Variants in PEPD observed in about 807,000 individuals in gnomAD.
PEPD encodes peptidase D.
In PEPD, 53 loss-of-function variants were observed where a neutral mutation model predicts 60.7. The observed-to-expected ratio is 0.87, with a 90% CI of 0.70 to 1.10. PEPD has a LOEUF of 1.10. PEPD is among the 50% of genes least tolerant of loss of function. The pLI, the probability that PEPD is intolerant of heterozygous loss-of-function variation, is 0.00. For synonymous variants in PEPD, 267 were observed against 284.1 expected, an observed-to-expected ratio of 0.94 and a Z score of 0.60; for missense variants, 711 against 711.9, an observed-to-expected ratio of 1.00 and a Z score of 0.01.
At chr19:33,415,648 G>A (rs2084903173) in intron 9 of PEPD, among the ~76,000 whole-genome samples, 1 of 152,290 alleles carries the variant, frequency 6.6e-6, no homozygotes, top group East Asian at 1.9e-4. Flanking sequence ...TGCCTTTGCT[G>A]CTTTTTAAGA....
intron 1 of PEPD, among the ~76,000 whole-genome samples, chr19:33,521,186 G>C (rs1427340004): frequency 6.6e-6 from 1 of 152,210 alleles, no homozygotes; most frequent in African/African-American, 2.4e-5. Context: ...ACCTGCCCTT[G>C]CACTCTAAAT....
chr19:33,387,735 A>G, intron 14 of PEPD, 155 bp downstream of exon 14: 1 of 774,584 alleles, frequency 1.3e-6, no homozygotes. Flanking sequence ...CTGAGGGGTG[A>G]GGCTCCATCC....
At chr19:33,422,796 C>CCA (rs1969052216) in intron 9 of PEPD, among the ~76,000 whole-genome samples, 1 of 124,022 alleles carries the variant, frequency 8.1e-6, no homozygotes, top group Non-Finnish European at 1.8e-5. Context: ...CTCCCTCTAT[C>CCA]TATCCATCCA....
At chr19:33,415,582 G>A (rs971044135) in intron 9 of PEPD, among the ~76,000 whole-genome samples, 2 of 152,090 alleles carry the variant, frequency 1.3e-5, no homozygotes, top group Non-Finnish European at 2.9e-5. Context: ...TGGCTCTCTC[G>A]CCTGCAGCAA....
At chr19:33,521,451 G>C (rs1971131914) in intron 1 of PEPD, among the ~76,000 whole-genome samples, 1 of 152,216 alleles carries the variant, frequency 6.6e-6, no homozygotes, top group East Asian at 1.9e-4. Context: ...TCTTGGCAGC[G>C]AACATGCGTG....
At chr19:33,397,523 G>A (rs1269487353) in intron 12 of PEPD, among the ~76,000 whole-genome samples, 1 of 152,066 alleles carries the variant, frequency 6.6e-6, no homozygotes, top group Admixed American at 6.5e-5. Context: ...TGCCCCACGG[G>A]CCTTCACTGT....
intron 1 of PEPD, among the ~76,000 whole-genome samples, chr19:33,515,369 G>A (rs900780767): frequency 6.6e-6 from 1 of 152,124 alleles, no homozygotes; most frequent in Admixed American, 6.5e-5. Context: ...GGGTGAGCAG[G>A]TGGCTGGGTG....
chr19:33,463,404 C>T (rs1275416718), intron 8 of PEPD, among the ~76,000 whole-genome samples: 1 of 152,212 alleles, frequency 6.6e-6, no homozygotes, highest in Non-Finnish European at 1.5e-5. Flanking sequence ...CTTTGTTTAA[C>T]TTTCATAAAA....
intron 7 of PEPD, among the ~76,000 whole-genome samples, chr19:33,473,612 T>C (rs1970166481): frequency 6.6e-6 from 1 of 152,168 alleles, no homozygotes; most frequent in Non-Finnish European, 1.5e-5. Flanking sequence ...CTTCCAGAGG[T>C]ACTTAACCGA....
intron 6 of PEPD, among the ~76,000 whole-genome samples, chr19:33,482,801 G>A (rs992616325): frequency 5.3e-5 from 8 of 152,142 alleles, no homozygotes; most frequent in Non-Finnish European, 8.8e-5. Flanking sequence ...AATGTGGTAC[G>A]TATCCATAGA....
chr19:33,464,096 T>C, intron 7 of PEPD, 34 bp from the exon 8 acceptor site: 1 of 1,534,610 alleles, frequency 6.5e-7, no homozygotes, highest in Non-Finnish European at 9.0e-7. Flanking sequence ...AGCAAATCAG[T>C]GACTTTCAGG....
chr19:33,435,489 G>A (rs958063689), intron 9 of PEPD, among the ~76,000 whole-genome samples: 1 of 152,234 alleles, frequency 6.6e-6, no homozygotes, highest in African/African-American at 2.4e-5. Context: ...GGGGCGCCGA[G>A]CCCAGACGAA....
At chr19:33,454,692 G>A (rs1969764144) in intron 9 of PEPD, among the ~76,000 whole-genome samples, 1 of 152,072 alleles carries the variant, frequency 6.6e-6, no homozygotes, top group South Asian at 2.1e-4. Context: ...AGAGACAAAT[G>A]TGTACAGAAG....
chr19:33,515,055 C>T (rs1006504066), intron 1 of PEPD, among the ~76,000 whole-genome samples: 11 of 152,290 alleles, frequency 7.2e-5, no homozygotes, highest in East Asian at 5.8e-4. Flanking sequence ...TGGTGTTCTC[C>T]GGCCCGCCGC....
chr19:33,484,221 G>A (rs1448114759), intron 6 of PEPD, among the ~76,000 whole-genome samples: 2 of 152,136 alleles, frequency 1.3e-5, no homozygotes, highest in Non-Finnish European at 2.9e-5. Flanking sequence ...TGAAGAACAG[G>A]GCAGCAGGTG....
chr19:33,434,074 T>C (rs1969327441), intron 9 of PEPD, among the ~76,000 whole-genome samples: 1 of 152,186 alleles, frequency 6.6e-6, no homozygotes, highest in African/African-American at 2.4e-5. Context: ...GTCACCAGTT[T>C]TGCTTGCTGG....
intron 11 of PEPD, among the ~76,000 whole-genome samples, chr19:33,404,259 G>A (rs1011561060): frequency 6.6e-6 from 1 of 152,180 alleles, no homozygotes. Flanking sequence ...AGTCAACCAA[G>A]AAAAATGGTT....
intron 9 of PEPD, among the ~76,000 whole-genome samples, chr19:33,432,010 A>AAAAAAAAAAAAAAAAAAAAAAAAC (rs1031542443): frequency 1.4e-5 from 2 of 147,602 alleles, no homozygotes; most frequent in African/African-American, 5.1e-5. Flanking sequence ...AAAAAAAAAA[A>AAAAAAAAAAAAAAAAAAAAAAAAC]GGGAAGATTA....
At chr19:33,420,328 T>G (rs1018283175) in intron 9 of PEPD, among the ~76,000 whole-genome samples, 123 of 152,008 alleles carry the variant, frequency 8.1e-4, no homozygotes, top group African/African-American at 2.8e-3. Context: ...GTCTTCTCTA[T>G]CCAATATTTT....
Sources: allele counts gnomAD v4.1 joint callset (sites outside exome capture counted in the v4.1 genomes callset), GRCh38; gene constraint gnomAD v4.1.1; transcripts MANE v1.5; gene names NCBI Gene and HGNC (gene_info 2026-07-23, HGNC 2026-07-21).